Variants in ZNF140 observed in about 807,000 individuals in gnomAD.
ZNF140 encodes zinc finger protein 140 (clone pHZ-39).
In ZNF140, 13 loss-of-function variants were observed where a neutral mutation model predicts 12.9. That is an observed-to-expected ratio of 1.01 (90% CI 0.66 to 1.60). The LOEUF (loss-of-function observed/expected upper bound fraction) is 1.60. Among genes scored for constraint, ZNF140 ranks in the 40% most tolerant of loss-of-function variants. ZNF140 has a pLI of 0.00. For synonymous variants in ZNF140, 214 were observed against 186.7 expected (o/e 1.15, Z -1.19); for missense variants, 531 against 548.8 (o/e 0.97, Z 0.32).
rs1325946958 is a variant in ZNF140 at position 133,105,770 on chromosome 12, G to A, written c.493G>A (p.Glu165Lys). The change falls in exon 5 of 5, where the codon GAA becomes AAA. Residue 165 changes from glutamate to lysine, a missense_variant. Coordinates refer to ENST00000355557, the MANE Select transcript of ZNF140 (RefSeq NM_003440.4). ...STVERPYGCH[E>K]CGKTFGRRFS... Reference sequence around the variant, plus strand: ...TGTGGAGAGGCCCTATGGATGCCATGAATGTGGAAAAACTTTTGGTCGACG... The same window carrying A: ...TGTGGAGAGGCCCTATGGATGCCATAAATGTGGAAAAACTTTTGGTCGACG... The A allele has an allele frequency of 1.5e-5, 24 of 1,614,068 alleles. No homozygotes were observed. The highest frequency in any genetic ancestry group is 2.7e-5 in the African/African-American group (2 of 74,924).
chr12:133,097,654 A>G (rs1955177689), intron 4 of ZNF140, among the ~76,000 whole-genome samples: 1 of 151,946 alleles, frequency 6.6e-6, no homozygotes, highest in East Asian at 1.9e-4. Flanking sequence ...AAAAAAAAAA[A>G]AAAATTACTT....
chr12:133,087,787 C>T (rs1039134212), intron 4 of ZNF140, among the ~76,000 whole-genome samples: 40 of 152,280 alleles, frequency 2.6e-4, no homozygotes, highest in African/African-American at 9.6e-4. Context: ...TATTGCTTCT[C>T]TATAGGAATG....
chr12:133,083,032 CATTTT>C, intron 2 of ZNF140, 66 bp from the exon 3 acceptor site: 1 of 1,610,358 alleles, frequency 6.2e-7, no homozygotes, highest in Non-Finnish European at 8.5e-7. Context: ...CAGTGAGACT[CATTTT>C]ATTCCTTGAT....
chr12:133,094,433 C>T (rs887554431), intron 4 of ZNF140, among the ~76,000 whole-genome samples: 10 of 150,952 alleles, frequency 6.6e-5, no homozygotes, highest in South Asian at 2.1e-4. Context: ...GGGTCATGGC[C>T]GGAGAGGGCA....
At position 133,105,853 on chromosome 12, in the gene ZNF140, G is replaced by A; in HGVS notation, c.576G>A (p.Lys192=). 5 of 1,614,092 alleles carry A rather than the reference G, an allele frequency of 3.1e-6. No homozygotes were observed. In the South Asian group the frequency reaches 4.4e-5, roughly 14 times the overall value. The change falls in exon 5 of 5, where the codon AAG becomes AAA. Residue 192 remains lysine, a synonymous_variant. Transcript: ENST00000355557. ...THTGEKPYAC[K]ECGKTFSQIS... is the part of the protein sequence containing the mutation. ...CTGGAGAGAAACCATATGCATGTAA[G>A]GAATGTGGCAAAACCTTTAGCCAGA...
chr12:133,099,827 G>A (rs1955270254), intron 4 of ZNF140, among the ~76,000 whole-genome samples: 1 of 152,092 alleles, frequency 6.6e-6, no homozygotes, highest in Admixed American at 6.6e-5. Context: ...CAGGGCAGGT[G>A]TACTGGCAAC....
intron 2 of ZNF140, 148 bp from the exon 3 acceptor site, chr12:133,082,955 A>G: frequency 2.5e-6 from 3 of 1,182,098 alleles, no homozygotes; most frequent in South Asian, 3.2e-5. Flanking sequence ...TAGGCTCTTC[A>G]TTATATAATT....
At chr12:133,085,185 T>A (rs944276770) in intron 4 of ZNF140, among the ~76,000 whole-genome samples, 1 of 152,152 alleles carries the variant, frequency 6.6e-6, no homozygotes, top group East Asian at 1.9e-4. Context: ...CCACCATGCC[T>A]GGCTAAGTTT....
Position 133,106,211 on chromosome 12 carries a change from C to A in ZNF140, c.934C>A (p.Arg312Ser), listed in dbSNP as rs202114710. 3 of 1,613,974 alleles carry A rather than the reference C, an allele frequency of 1.9e-6. No individual in the cohort carries two copies. Among genetic ancestry groups the A allele is most frequent in the Non-Finnish European group, 1.7e-6 (2 of 1,180,018 alleles). Residue 312 changes from arginine (R) to serine (S), a missense_variant, in exon 5 of 5, where the codon CGT becomes AGT. By Grantham distance (110) the Arg-to-Ser change is moderately radical. Transcript: ENST00000355557. Reference sequence around the variant, plus strand: ...CATTGAATGTGGGAAGGCATTTCGCCGTTTCTCACACCTTACTCGACATCA... The same window carrying A: ...CATTGAATGTGGGAAGGCATTTCGCAGTTTCTCACACCTTACTCGACATCA... ...ECIECGKAFR[R>S]FSHLTRHQSI...
Position 133,083,189 on chromosome 12 carries a change from A to T in ZNF140, c.96A>T (p.Arg32Ser), listed in dbSNP as rs1185569161. 1.8e-5 allele frequency: 29 copies of T among 1,614,020 alleles called. No individual in the cohort carries two copies. The South Asian group carries it at 2.0e-4, about 11-fold the overall frequency. The change falls in exon 3 of 5, where the codon AGA becomes AGT. Residue 32 changes from arginine (R) to serine (S), a missense_variant. Arg to Ser is a moderately radical substitution (Grantham distance 110). Coordinates refer to ENST00000355557, the MANE Select transcript of ZNF140 (RefSeq NM_003440.4). ...WLQPAQRDLYRCVMLENYGHL... is the reference protein window; with the variant it reads ...WLQPAQRDLYSCVMLENYGHL... ...AGCCTGCTCAAAGAGATTTGTACAG[A>T]TGTGTAATGTTGGAGAACTATGGCC...
At chr12:133,090,809 TC>T (rs1275824647) in intron 4 of ZNF140, among the ~76,000 whole-genome samples, 30 of 133,326 alleles carry the variant, frequency 2.3e-4, no homozygotes, top group African/African-American at 8.0e-4. Context: ...AGCAAAAGAA[TC>T]TATATCATAA....
At chr12:133,087,958 C>T (rs368336878) in intron 4 of ZNF140, among the ~76,000 whole-genome samples, 4 of 151,818 alleles carry the variant, frequency 2.6e-5, no homozygotes, top group East Asian at 1.9e-4. Context: ...TGGTGAAACC[C>T]GTCTCTACTA....
At chr12:133,101,117 T>C (rs1357201454) in intron 4 of ZNF140, 15 of 339,138 alleles carry the variant, frequency 4.4e-5, no homozygotes, top group African/African-American at 2.6e-4. Context: ...TGGAATATAA[T>C]ATACCTAATT....
intron 4 of ZNF140, among the ~76,000 whole-genome samples, chr12:133,090,400 C>T (rs1275880427): frequency 6.6e-6 from 1 of 152,232 alleles, no homozygotes; most frequent in Non-Finnish European, 1.5e-5. Flanking sequence ...ACCTTGGCCT[C>T]CCAAAGTGCT....
At chr12:133,089,691 T>C (rs1468639210) in intron 4 of ZNF140, among the ~76,000 whole-genome samples, 2 of 152,234 alleles carry the variant, frequency 1.3e-5, no homozygotes, top group Non-Finnish European at 2.9e-5. Flanking sequence ...AAATTTGTAC[T>C]GAGGCCCCCT....
In ZNF140 at chr12:133,106,437, G is replaced by C. The variant is rs759689828; in HGVS notation, c.1160G>C (p.Cys387Ser). Residue 387 changes from cysteine to serine, a missense_variant, in exon 5 of 5, where the codon TGT becomes TCT. By Grantham distance (112) the Cys-to-Ser change is moderately radical. Transcript: ENST00000355557. ...KSHTGEKPYA[C>S]AECDKAFSRS... ...CACACTGGAGAGAAACCCTATGCGT[G>C]TGCTGAATGTGATAAAGCCTTCAGC... The C allele has an allele frequency of 3.1e-6, 5 of 1,614,090 alleles. No individual in the cohort carries two copies. Among genetic ancestry groups the C allele is most frequent in the Non-Finnish European group, 4.2e-6 (5 of 1,180,006 alleles).
At chr12:133,084,007 A>C (rs1954591089) in intron 4 of ZNF140, 1 of 294,828 alleles carries the variant, frequency 3.4e-6, no homozygotes, top group Admixed American at 5.2e-5. Flanking sequence ...AGTTTCACTT[A>C]CAACTCCATA....
intron 4 of ZNF140, among the ~76,000 whole-genome samples, chr12:133,099,976 C>T (rs1955277338): frequency 6.6e-6 from 1 of 150,754 alleles, no homozygotes; most frequent in South Asian, 2.1e-4. Context: ...TCACTCCACT[C>T]TCCTTGTTCT....
In ZNF140 at chr12:133,081,344, GATAAATATAT is replaced by G. The variant is rs1207099345; in HGVS notation, c.9+19_9+28del. 29 of 461,280 alleles carry G rather than the reference GATAAATATAT, an allele frequency of 6.3e-5. No individual in the cohort carries two copies. Among genetic ancestry groups the G allele is most frequent in the Non-Finnish European group, 1.0e-4 (27 of 269,678 alleles). The allele number at this position is 461,280 out of a possible 1,614,324, so 28.6% of individuals were successfully genotyped here. On this transcript the variant is annotated intron_variant, in intron 2 of 4. Coordinates refer to ENST00000355557, the MANE Select transcript of ZNF140 (RefSeq NM_003440.4). ...CTATGTCTCAGGTAAGCTAATGATT[GATAAATATAT>G]ATATATATATATATATAAATTTTTA...
Sources: allele counts gnomAD v4.1 joint callset (sites outside exome capture counted in the v4.1 genomes callset), GRCh38; gene constraint gnomAD v4.1.1; transcripts MANE v1.5; gene names NCBI Gene and HGNC (gene_info 2026-07-23, HGNC 2026-07-21).